FBXO15: variants seen among roughly 807,000 people sequenced by gnomAD.
FBXO15 encodes the protein F-box protein 15, also known as F-box only protein 15.
In FBXO15, 30 loss-of-function variants were observed where a neutral mutation model predicts 49.5. The observed-to-expected ratio is 0.61, with a 90% CI of 0.45 to 0.82. FBXO15 has a LOEUF of 0.82. Among genes scored for constraint, FBXO15 ranks in the 40% least tolerant of loss-of-function variants. The pLI, the probability that FBXO15 is intolerant of heterozygous loss-of-function variation, is 0.00. For missense variants in FBXO15, 591 were observed against 631.5 expected (o/e 0.94, Z 0.69); for synonymous variants, 250 against 232.7 (o/e 1.07, Z -0.68).
intron 1 of FBXO15, 86 bp from the exon 2 acceptor site, chr18:74,140,398 C>A: frequency 8.4e-7 from 1 of 1,189,496 alleles, no homozygotes; most frequent in Non-Finnish European, 1.1e-6. Context: ...CCAAAGGATT[C>A]ATAAACTCCA....
Position 74,077,507 on chromosome 18 carries a change from C to T in FBXO15, c.1264-3777G>A, listed in dbSNP as rs539207053. ...CTCCCTGATGCCTTTCCCAGGCAAT[C>T]GGCTGCAGTGGTCCTGGAACAGCAG... On this transcript the variant is annotated intron_variant, in intron 9 of 9. Transcript: ENST00000419743. Among the ~76,000 whole-genome samples, 121 of 152,326 alleles carry T rather than the reference C, an allele frequency of 7.9e-4. 1 individual carries two copies. The Middle Eastern group carries it at 0.014, about 17-fold the overall frequency.
chr18:74,108,785 T>C (rs1482523653), intron 8 of FBXO15, among the ~76,000 whole-genome samples: 3 of 152,016 alleles, frequency 2.0e-5, no homozygotes, highest in South Asian at 4.1e-4. Context: ...AAATCAAAAA[T>C]GTTAAGATCC....
intron 4 of FBXO15, 40 bp from the exon 5 acceptor site, chr18:74,129,654 G>T: frequency 1.6e-6 from 2 of 1,244,984 alleles, no homozygotes; most frequent in Non-Finnish European, 2.2e-6. Context: ...TTGCCTCATT[G>T]AAAAAAAAAA....
intron 8 of FBXO15, among the ~76,000 whole-genome samples, chr18:74,105,924 G>C (rs1913739876): frequency 6.6e-6 from 1 of 152,020 alleles, no homozygotes; most frequent in South Asian, 2.1e-4. Context: ...TTTAAAATCT[G>C]GCCAGGTGAA....
chr18:74,085,997 A>G (rs1043304127), intron 8 of FBXO15, among the ~76,000 whole-genome samples: 1 of 152,226 alleles, frequency 6.6e-6, no homozygotes, highest in African/African-American at 2.4e-5. Flanking sequence ...GTACAAACCA[A>G]GAAAACATGT....
At chr18:74,087,451 T>C (rs1407903695) in intron 8 of FBXO15, among the ~76,000 whole-genome samples, 1 of 152,226 alleles carries the variant, frequency 6.6e-6, no homozygotes. Context: ...TCATATGTAC[T>C]CTATGTTTAG....
intron 3 of FBXO15, among the ~76,000 whole-genome samples, chr18:74,131,135 CA>C (rs1261060230): frequency 6.6e-5 from 10 of 152,122 alleles, no homozygotes; most frequent in African/African-American, 2.2e-4. Context: ...TAACTTTCAA[CA>C]AGGAATACGC....
intron 3 of FBXO15, among the ~76,000 whole-genome samples, chr18:74,132,714 A>G (rs1022179138): frequency 1.8e-4 from 28 of 152,234 alleles, no homozygotes; most frequent in Non-Finnish European, 4.4e-5. Flanking sequence ...GGACGAGGGC[A>G]TATTTATCCA....
Position 74,073,502 on chromosome 18 carries a change from T to C in FBXO15, c.1492A>G (p.Ser498Gly), listed in dbSNP as rs1309209626. The change falls in exon 10 of 10, where the codon AGT becomes GGT. Residue 498 changes from serine to glycine, a missense_variant. Transcript: ENST00000419743. ...AACCAATGGTTGATTTTTGCGATAC[T>C]AAGATAAAGGACCAGGTTGACAATA... Reference protein sequence around the residue: ...YLIVNLVLYLSIAKINHWFGT... With the variant: ...YLIVNLVLYLGIAKINHWFGT... 3 of 1,614,046 alleles carry C rather than the reference T, an allele frequency of 1.9e-6. No individual in the cohort carries two copies. The African/African-American group carries it at 4.0e-5, about 22-fold the overall frequency.
intron 8 of FBXO15, among the ~76,000 whole-genome samples, chr18:74,086,612 G>A (rs113106402): frequency 0.039 from 6,000 of 152,164 alleles, 385 homozygotes; most frequent in African/African-American, 0.13. Context: ...GGGTTTCACC[G>A]TGTTAGCCAG....
chr18:74,093,948 G>C (rs1038578229), intron 8 of FBXO15, among the ~76,000 whole-genome samples: 1 of 152,214 alleles, frequency 6.6e-6, no homozygotes, highest in African/African-American at 2.4e-5. Context: ...AAAGACAAGA[G>C]AGAGACAAAA....
rs764045183 is a variant in FBXO15 at position 74,129,476 on chromosome 18, T to C, written c.714A>G (p.Ser238=). 20 of 1,613,918 alleles carry C rather than the reference T, an allele frequency of 1.2e-5. No individual in the cohort carries two copies. Among genetic ancestry groups the C allele is most frequent in the Middle Eastern group, 1.7e-4 (1 of 6,058 alleles). Reference sequence around the variant, plus strand: ...TGCCACATAAATCTAAGGTTGACAATGATGCTAGGCATGGCCATTTTTTGC... The same window carrying C: ...TGCCACATAAATCTAAGGTTGACAACGATGCTAGGCATGGCCATTTTTTGC... ...WYGKKWPCLA[S]LSTLDLCGMT... Residue 238 remains serine, a synonymous_variant, in exon 5 of 10, where the codon TCA becomes TCG. Transcript: ENST00000419743.
intron 3 of FBXO15, among the ~76,000 whole-genome samples, chr18:74,134,857 CATT>C (rs1978617864): frequency 6.6e-6 from 1 of 152,048 alleles, no homozygotes; most frequent in African/African-American, 2.4e-5. Context: ...TGACAGCTCT[CATT>C]CTGCCACTCT....
At chr18:74,090,058 TG>T (rs928117060) in intron 8 of FBXO15, among the ~76,000 whole-genome samples, 6 of 152,186 alleles carry the variant, frequency 3.9e-5, no homozygotes, top group African/African-American at 7.2e-5. Flanking sequence ...GGCTTTCTTT[TG>T]GTTGGCAGGC....
In FBXO15 at chr18:74,140,192, T is replaced by C; in HGVS notation, c.227+10A>G. 1 of 1,549,652 alleles carries C rather than the reference T, an allele frequency of 6.5e-7. No homozygotes were observed. The highest frequency in any genetic ancestry group is 8.7e-7 in the Non-Finnish European group (1 of 1,146,142). On this transcript the variant is annotated intron_variant, in intron 2 of 9. Coordinates refer to ENST00000419743, the MANE Select transcript of FBXO15 (RefSeq NM_001142958.2). Reference sequence around the variant, plus strand: ...GCCCCCAAAAGTGACAGTCTACTTCTGCTACTTACCCATCCAGGAACCCAG... The same window carrying C: ...GCCCCCAAAAGTGACAGTCTACTTCCGCTACTTACCCATCCAGGAACCCAG...
intron 8 of FBXO15, among the ~76,000 whole-genome samples, chr18:74,084,539 CAG>C (rs914266985): frequency 2.6e-5 from 4 of 152,240 alleles, no homozygotes; most frequent in Non-Finnish European, 4.4e-5. Flanking sequence ...TCTATAAACA[CAG>C]AGTGTGGCTC....
Position 74,105,535 on chromosome 18 carries a change from G to C in FBXO15, c.1138+17833C>G, listed in dbSNP as rs140883515. Among the ~76,000 whole-genome samples, 6 of 152,040 alleles carry C rather than the reference G, an allele frequency of 3.9e-5. No homozygotes were observed. The East Asian group carries it at 1.2e-3, about 29-fold the overall frequency. The stretch of plus-strand genomic sequence containing the variant: ...GCTCACTGCAACCTCTGCCTCCCAG[G>C]TTCAAACGATTCTCCTGCCTCAGCC... On this transcript the variant is annotated intron_variant, in intron 8 of 9. Coordinates refer to ENST00000419743, the MANE Select transcript of FBXO15 (RefSeq NM_001142958.2).
At chr18:74,089,161 G>A (rs1248119309) in intron 8 of FBXO15, among the ~76,000 whole-genome samples, 1 of 152,098 alleles carries the variant, frequency 6.6e-6, no homozygotes, top group East Asian at 1.9e-4. Context: ...AGGCCCCAGT[G>A]TGCGTTGTTC....
At chr18:74,132,235 A>T (rs968188130) in intron 3 of FBXO15, among the ~76,000 whole-genome samples, 33 of 152,338 alleles carry the variant, frequency 2.2e-4, no homozygotes, top group African/African-American at 7.9e-4. Flanking sequence ...TTGAATAGAC[A>T]CTTTTAAAAC....
Sources: gnomAD v4.1 joint callset for allele counts (sites outside exome capture counted in the v4.1 genomes callset) on GRCh38, gnomAD v4.1.1 for gene constraint, MANE v1.5 for transcripts, NCBI Gene and HGNC (gene_info 2026-07-23, HGNC 2026-07-21) for gene names.